ACTB: variants seen among roughly 807,000 people sequenced by gnomAD.
ACTB encodes actin, cytoplasmic 1.
ACTB carries 2 observed loss-of-function variants against 30.5 expected under a neutral mutation model. The observed-to-expected ratio is 0.07, with a 90% CI of 0.03 to 0.21. ACTB has a LOEUF of 0.21. Among genes scored for constraint, ACTB ranks in the 10% least tolerant of loss-of-function variants. ACTB has a pLI of 1.00. For synonymous variants in ACTB, 335 were observed against 217.6 expected, an observed-to-expected ratio of 1.54 and a Z score of -4.75; for missense variants, 56 against 530.0, an observed-to-expected ratio of 0.11 and a Z score of 8.78.
In ACTB at chr7:5,527,669, C is replaced by T; in HGVS notation, c.*79G>A. On this transcript the variant is annotated 3_prime_UTR_variant, in exon 6 of 6. Transcript: ENST00000646664. ...AACAAAACAAAAAAAACAAATAAAG[C>T]CATGCCAATCTCATCTTGTTTTCTG... 1.3e-6 allele frequency: 2 copies of T among 1,595,264 alleles called. No homozygotes were observed. The highest frequency in any genetic ancestry group is 1.7e-6 in the Non-Finnish European group (2 of 1,166,758).
In ACTB at chr7:5,529,526, C is replaced by T. The variant is rs764378578; in HGVS notation, c.123+9G>A. 1.2e-6 allele frequency: 2 copies of T among 1,611,522 alleles called. No individual in the cohort carries two copies. The stretch of plus-strand genomic sequence containing the variant: ...TCCCGGGGCTGCCCCACCCAGCCAG[C>T]TCCCCTACCTGGTGCCTGGGGCGCC... On this transcript the variant is annotated intron_variant, in intron 2 of 5. Coordinates refer to ENST00000646664, the MANE Select transcript of ACTB (RefSeq NM_001101.5).
Position 5,527,505 on chromosome 7 carries a change from T to C in ACTB, c.*243A>G. 1 of 635,812 alleles carries C rather than the reference T, an allele frequency of 1.6e-6. No homozygotes were observed. The allele number at this position is 635,812 out of a possible 1,614,324, so 39.4% of individuals were successfully genotyped here. A position where few individuals can be genotyped will look rare whatever the true frequency, so the allele number is the denominator to read the frequency against. ...ACGCATCTCATATTTGGAATGACTATTAAAAAAACAACAATGTGCAATCAA... is the reference window on the plus strand; with the variant it reads ...ACGCATCTCATATTTGGAATGACTACTAAAAAAACAACAATGTGCAATCAA... On this transcript the variant is annotated 3_prime_UTR_variant, in exon 6 of 6. Coordinates refer to ENST00000646664, the MANE Select transcript of ACTB (RefSeq NM_001101.5).
In ACTB at chr7:5,529,663, G is replaced by A. The variant is rs201298672; in HGVS notation, c.-6C>T. The A allele has an allele frequency of 3.7e-6, 6 of 1,611,384 alleles. No homozygotes were observed. The highest frequency in any genetic ancestry group is 2.2e-5 in the East Asian group (1 of 44,864). On this transcript the variant is annotated splice_region_variant and 5_prime_UTR_variant, in exon 2 of 6. Transcript: ENST00000646664. Reference sequence around the variant, plus strand: ...GCGGCGATATCATCATCCATGGTGAGCTGCGAGAATAGCCGGGCGCGCTGT... The same window carrying A: ...GCGGCGATATCATCATCCATGGTGAACTGCGAGAATAGCCGGGCGCGCTGT...
intron 1 of ACTB, among the ~76,000 whole-genome samples, chr7:5,530,163 G>C (rs922430065): frequency 2.0e-5 from 3 of 152,008 alleles, no homozygotes; most frequent in African/African-American, 7.2e-5. Context: ...CAAAGGACCA[G>C]CGCGCACGCG....
At chr7:5,529,880 C>T (rs1784850137) in intron 1 of ACTB, 2 of 741,850 alleles carry the variant, frequency 2.7e-6, no homozygotes, top group Admixed American at 4.5e-5. Context: ...CCCTCCCAAC[C>T]GGGCGCCAGC....
chr7:5,529,013 T>G, intron 3 of ACTB, 148 bp downstream of exon 3: 1 of 1,608,178 alleles, frequency 6.2e-7, no homozygotes, highest in Non-Finnish European at 8.5e-7. Flanking sequence ...AAAAAGCAAA[T>G]AGAACCTGCA....
chr7:5,529,829 A>T, intron 1 of ACTB, 166 bp from the exon 2 acceptor site: 1 of 1,172,438 alleles, frequency 8.5e-7, no homozygotes, highest in South Asian at 1.3e-5. Flanking sequence ...CACTGGTCGG[A>T]GGCGTCCCCG....
rs777620729 is a variant in ACTB at position 5,527,728 on chromosome 7, G to A, written c.*20C>T. 4.6e-5 allele frequency: 75 copies of A among 1,612,986 alleles called. No homozygotes were observed. The highest frequency in any genetic ancestry group is 1.8e-4 in the South Asian group (16 of 91,044). Reference sequence around the variant, plus strand: ...AGGTTTTGTCAAGAAAGGGTGTAACGCAACTAAGTCATAGTCCGCCTAGAA... The same window carrying A: ...AGGTTTTGTCAAGAAAGGGTGTAACACAACTAAGTCATAGTCCGCCTAGAA... On this transcript the variant is annotated 3_prime_UTR_variant, in exon 6 of 6. Coordinates refer to ENST00000646664, the MANE Select transcript of ACTB (RefSeq NM_001101.5).
rs1392741997 is a variant in ACTB at position 5,527,331 on chromosome 7, T to TA, written c.*416dup. On this transcript the variant is annotated 3_prime_UTR_variant, in exon 6 of 6. Transcript: ENST00000646664. ...AAAATAAAACAAAATAAAAAAGTAT[T>TA]AAGGCGAAGATTAAAAAAATTTTGC... 3.8e-6 allele frequency: 1 copy of TA among 265,946 alleles called. No homozygotes were observed. Among genetic ancestry groups the TA allele is most frequent in the African/African-American group, 2.3e-5 (1 of 43,074 alleles). The allele number at this position is 265,946 out of a possible 1,614,324, so 16.5% of individuals were successfully genotyped here.
chr7:5,530,540 A>G lies in ACTB; in HGVS notation c.-23T>C, dbSNP rs1057523391. On this transcript the variant is annotated 5_prime_UTR_variant, in exon 1 of 6. Coordinates refer to ENST00000646664, the MANE Select transcript of ACTB (RefSeq NM_001101.5). Reference sequence around the variant, plus strand: ...CGGGCTTACCTGGCGGCGGGTGTGGACGGGCGGCGGATCGGCAAAGGCGAG... The same window carrying G: ...CGGGCTTACCTGGCGGCGGGTGTGGGCGGGCGGCGGATCGGCAAAGGCGAG... 1.3e-5 allele frequency: 2 copies of G among 151,784 alleles called. No individual in the cohort carries two copies. Among genetic ancestry groups the G allele is most frequent in the Admixed American group, 1.3e-4 (2 of 15,222 alleles). The allele number at this position is 151,784 out of a possible 1,614,324, so 9.4% of individuals were successfully genotyped here. A position where few individuals can be genotyped will look rare whatever the true frequency, so the allele number is the denominator to read the frequency against.
chr7:5,529,821 CT>C, intron 1 of ACTB, 158 bp from the exon 2 acceptor site: 1 of 1,244,278 alleles, frequency 8.0e-7, no homozygotes. Flanking sequence ...AAGGCAAACA[CT>C]GGTCGGAGGC....
intron 3 of ACTB, chr7:5,528,945 AAC>A (rs1384718486): frequency 5.4e-5 from 82 of 1,532,338 alleles, no homozygotes; most frequent in Non-Finnish European, 6.4e-5. Flanking sequence ...CTACACCCAC[AAC>A]ACTGTCTTAG....
At chr7:5,527,973 C>T (rs374997048) in intron 5 of ACTB, 31 bp downstream of exon 5, 23 of 1,613,048 alleles carry the variant, frequency 1.4e-5, no homozygotes, top group Non-Finnish European at 1.9e-5. Flanking sequence ...GCCGACCTGC[C>T]CAGGTCAGCT....
chr7:5,529,962 A>T (rs1475789937), intron 1 of ACTB: 3 of 252,144 alleles, frequency 1.2e-5, no homozygotes, highest in South Asian at 5.2e-5. Flanking sequence ...TCGGGCGGCC[A>T]GCGGCTCGGG....
Position 5,527,636 on chromosome 7 carries a change from A to AC in ACTB, c.*111_*112insG, listed in dbSNP as rs1398178477. ...CCTGAGTCAAGCCAAAAAAAAAAAA[A>AC]AAACCAAAACAAAACAAAAAAAACA... On this transcript the variant is annotated 3_prime_UTR_variant, in exon 6 of 6. Coordinates refer to ENST00000646664, the MANE Select transcript of ACTB (RefSeq NM_001101.5). 3.2e-6 allele frequency: 5 copies of AC among 1,540,554 alleles called. No individual in the cohort carries two copies. The highest frequency in any genetic ancestry group is 4.4e-6 in the Non-Finnish European group (5 of 1,133,874).
In ACTB at chr7:5,528,015, T is replaced by A; in HGVS notation, c.973A>T (p.Met325Leu). Reference protein sequence around the residue: ...KEITALAPSTMKIKIIAPPER... With the variant: ...KEITALAPSTLKIKIIAPPER... ...GGAAAGACACCCACCTTGATCTTCA[T>A]TGTGCTGGGTGCCAGGGCAGTGATC... The change falls in exon 5 of 6, where the codon ATG becomes TTG. Residue 325 changes from methionine to leucine, a missense_variant. Coordinates refer to ENST00000646664, the MANE Select transcript of ACTB (RefSeq NM_001101.5). 1 of 1,614,166 alleles carries A rather than the reference T, an allele frequency of 6.2e-7. No homozygotes were observed. Among genetic ancestry groups the A allele is most frequent in the African/African-American group, 1.3e-5 (1 of 75,044 alleles).
chr7:5,529,969 C>T (rs992686134), intron 1 of ACTB: 2 of 239,598 alleles, frequency 8.3e-6, no homozygotes, highest in Non-Finnish European at 8.0e-6. Context: ...GCCAGCGGCT[C>T]GGGCAGGAAG....
Position 5,528,642 on chromosome 7 carries a change from A to G in ACTB, c.441T>C (p.Arg147=), listed in dbSNP as rs1233125410. ...QAVLSLYASG[R]TTGIVMDSGD... ...CGGAGTCCATCACGATGCCAGTGGT[A>G]CGGCCAGAGGCGTACAGGGATAGCA... The change falls in exon 4 of 6, where the codon CGT becomes CGC. Residue 147 remains arginine, a synonymous_variant. Coordinates refer to ENST00000646664, the MANE Select transcript of ACTB (RefSeq NM_001101.5). 1.9e-6 allele frequency: 3 copies of G among 1,614,026 alleles called. No individual in the cohort carries two copies. In the Admixed American group the frequency reaches 5.0e-5, roughly 27 times the overall value.
chr7:5,527,563 G>T lies in ACTB; in HGVS notation c.*185C>A. On this transcript the variant is annotated 3_prime_UTR_variant, in exon 6 of 6. Transcript: ENST00000646664. The stretch of plus-strand genomic sequence containing the variant: ...GGCCACATTGTGAACTTTGGGGGAT[G>T]CTCGCTCCAACCGACTGCTGTCACC... 2.1e-6 allele frequency: 2 copies of T among 936,120 alleles called. No homozygotes were observed. The highest frequency in any genetic ancestry group is 2.6e-5 in the East Asian group (1 of 38,358). 58.0% of individuals were successfully genotyped at this position (936,120 alleles called of 1,614,324 possible).
Sources: allele counts gnomAD v4.1 joint callset (sites outside exome capture counted in the v4.1 genomes callset), GRCh38; gene constraint gnomAD v4.1.1; transcripts MANE v1.5; gene names NCBI Gene and HGNC (gene_info 2026-07-23, HGNC 2026-07-21).